Variants in AGBL4 observed in about 807,000 individuals in gnomAD.
AGBL4 encodes the protein cytosolic carboxypeptidase 6.
A neutral mutation model predicts 66.4 loss-of-function variants in AGBL4; 58 were observed. The observed-to-expected ratio is 0.87, with a 90% CI of 0.71 to 1.09. AGBL4 has a LOEUF of 1.09. Among genes scored for constraint, AGBL4 ranks in the 50% least tolerant of loss-of-function variants. AGBL4 has a pLI of 0.00. For synonymous variants in AGBL4, 234 were observed against 222.9 expected, an observed-to-expected ratio of 1.05 and a Z score of -0.44; for missense variants, 579 against 631.0, an observed-to-expected ratio of 0.92 and a Z score of 0.88.
chr1:48,777,786 A>G (rs896726077), intron 6 of AGBL4, among the ~76,000 whole-genome samples: 3 of 152,132 alleles, frequency 2.0e-5, no homozygotes, highest in African/African-American at 7.2e-5. Flanking sequence ...GGAATCGCGG[A>G]GGGAGTTGAG....
chr1:48,542,524 G>T (rs545608654), intron 11 of AGBL4, among the ~76,000 whole-genome samples: 2 of 152,156 alleles, frequency 1.3e-5, no homozygotes, highest in East Asian at 3.9e-4. Context: ...ACTTTTTAAC[G>T]ATCGCCATTC....
chr1:49,284,461 C>T (rs1406175382), intron 3 of AGBL4, among the ~76,000 whole-genome samples: 1 of 151,898 alleles, frequency 6.6e-6, no homozygotes, highest in East Asian at 1.9e-4. Flanking sequence ...GAAACTGCAT[C>T]AACTAACGAG....
rs34494818 is a variant in AGBL4 at position 48,977,976 on chromosome 1, G to C, written c.594+67608C>G. Reference sequence around the variant, plus strand: ...TGGCCTTTAGATTACATATTATTAAGGGTGACTGTGACTAAAAGCCATTGC... The same window carrying C: ...TGGCCTTTAGATTACATATTATTAACGGTGACTGTGACTAAAAGCCATTGC... On this transcript the variant is annotated intron_variant, in intron 5 of 13. Transcript: ENST00000371839. 5.8e-3 allele frequency among the ~76,000 whole-genome samples: 886 copies of C among 152,232 alleles called. 4 individuals are homozygous for C. The highest frequency in any genetic ancestry group is 0.051 in the Middle Eastern group (15 of 294).
At chr1:49,563,469 T>G (rs1325115879) in intron 3 of AGBL4, among the ~76,000 whole-genome samples, 1 of 152,180 alleles carries the variant, frequency 6.6e-6, no homozygotes, top group Non-Finnish European at 1.5e-5. Context: ...TCTTATTATT[T>G]TGAGATACGT....
chr1:49,926,863 G>GAT (rs141283147), intron 1 of AGBL4, among the ~76,000 whole-genome samples: 23 of 151,222 alleles, frequency 1.5e-4, no homozygotes, highest in Admixed American at 5.3e-4. Flanking sequence ...GAACTAATAG[G>GAT]ATATATATAT....
intron 1 of AGBL4, among the ~76,000 whole-genome samples, chr1:49,983,212 G>A (rs754935273): frequency 5.9e-5 from 9 of 152,210 alleles, no homozygotes; most frequent in Non-Finnish European, 8.8e-5. Flanking sequence ...GCAGCACTTT[G>A]AGGAGCCCAG....
intron 6 of AGBL4, among the ~76,000 whole-genome samples, chr1:48,838,387 G>A (rs903413454): frequency 3.3e-5 from 5 of 151,888 alleles, no homozygotes; most frequent in African/African-American, 9.7e-5. Flanking sequence ...ATAAATCCAC[G>A]TATTTAATTA....
chr1:48,892,828 C>T (rs1047698305), intron 5 of AGBL4, among the ~76,000 whole-genome samples: 1 of 152,112 alleles, frequency 6.6e-6, no homozygotes, highest in Non-Finnish European at 1.5e-5. Context: ...CCATTCCCCC[C>T]CTTTTCTTTT....
At chr1:49,823,778 ATGTGTGTG>A (rs10528873) in intron 2 of AGBL4, among the ~76,000 whole-genome samples, 6 of 147,580 alleles carry the variant, frequency 4.1e-5, no homozygotes, top group African/African-American at 7.5e-5. Context: ...AGGCTGCATA[ATGTGTGTG>A]TGTGTGTGTG....
intron 3 of AGBL4, among the ~76,000 whole-genome samples, chr1:49,605,540 CAT>C (rs767475958): frequency 2.6e-5 from 4 of 152,046 alleles, no homozygotes; most frequent in African/African-American, 9.7e-5. Flanking sequence ...TAAGGTAAAA[CAT>C]GTATTAGTTT....
At chr1:48,974,269 C>A (rs1249414466) in intron 5 of AGBL4, among the ~76,000 whole-genome samples, 2 of 152,106 alleles carry the variant, frequency 1.3e-5, no homozygotes, top group African/African-American at 4.8e-5. Flanking sequence ...AGAAGAGTCC[C>A]CCATTACCCC....
intron 6 of AGBL4, among the ~76,000 whole-genome samples, chr1:48,791,609 A>G (rs1645552207): frequency 6.6e-6 from 1 of 152,230 alleles, no homozygotes; most frequent in African/African-American, 2.4e-5. Context: ...GAGCAATCTG[A>G]ACTTTGAAAT....
At chr1:49,252,368 T>C (rs1421606594) in intron 3 of AGBL4, among the ~76,000 whole-genome samples, 1 of 151,476 alleles carries the variant, frequency 6.6e-6, no homozygotes, top group Non-Finnish European at 1.5e-5. Flanking sequence ...GAAAAAAGAA[T>C]GAAAAGGAAT....
At chr1:49,314,062 G>A (rs1412643256) in intron 3 of AGBL4, among the ~76,000 whole-genome samples, 1 of 152,096 alleles carries the variant, frequency 6.6e-6, no homozygotes, top group Non-Finnish European at 1.5e-5. Flanking sequence ...TAAGGAAGGG[G>A]TCCAGCTTCA....
At chr1:49,444,199 T>C (rs991000917) in intron 3 of AGBL4, among the ~76,000 whole-genome samples, 59 of 152,052 alleles carry the variant, frequency 3.9e-4, no homozygotes, top group South Asian at 2.1e-4. Flanking sequence ...TTTTGGAGAA[T>C]GTTCCATATG....
chr1:48,794,978 T>C (rs1299519166), intron 6 of AGBL4, among the ~76,000 whole-genome samples: 1 of 152,142 alleles, frequency 6.6e-6, no homozygotes, highest in Non-Finnish European at 1.5e-5. Context: ...AGTACTATCA[T>C]CCACCCAAAG....
At chr1:49,517,729 A>C (rs189453164) in intron 3 of AGBL4, among the ~76,000 whole-genome samples, 1 of 152,180 alleles carries the variant, frequency 6.6e-6, no homozygotes, top group East Asian at 1.9e-4. Flanking sequence ...CTTTACAAAA[A>C]ATTAAAATAT....
At chr1:48,752,800 A>G (rs1651953876) in intron 6 of AGBL4, among the ~76,000 whole-genome samples, 2 of 151,768 alleles carry the variant, frequency 1.3e-5, no homozygotes, top group Non-Finnish European at 2.9e-5. Flanking sequence ...GCCAGGCTGG[A>G]GTGCAGTGGC....
At chr1:48,914,105 G>A (rs1653384812) in intron 5 of AGBL4, among the ~76,000 whole-genome samples, 1 of 152,142 alleles carries the variant, frequency 6.6e-6, no homozygotes, top group Non-Finnish European at 1.5e-5. Context: ...GCCACGAGAG[G>A]GGATCAGATC....
Sources: allele counts gnomAD v4.1 joint callset (sites outside exome capture counted in the v4.1 genomes callset), GRCh38; gene constraint gnomAD v4.1.1; transcripts MANE v1.5; gene names NCBI Gene and HGNC (gene_info 2026-07-23, HGNC 2026-07-21).